EEIG2: variants seen among roughly 807,000 people sequenced by gnomAD.
The protein encoded by EEIG2 is family with sequence similarity 102 member B.
At chr1:108,596,152 G>C in the EEIG2 span, among the ~76,000 whole-genome samples, 1 of 148,914 alleles carries the variant, frequency 6.7e-6, no homozygotes, top group Non-Finnish European at 1.5e-5. Flanking sequence ...TTTCATGTTA[G>C]ACAATAAAGA....
At chr1:108,611,355 T>C in the EEIG2 span, among the ~76,000 whole-genome samples, 3 of 152,336 alleles carry the variant, frequency 2.0e-5, no homozygotes, top group East Asian at 5.8e-4. Flanking sequence ...ATGAGGTTGA[T>C]TTGTTGTACC....
At chr1:108,587,083 A>G in the EEIG2 span, among the ~76,000 whole-genome samples, 2 of 151,990 alleles carry the variant, frequency 1.3e-5, no homozygotes, top group East Asian at 3.9e-4. Flanking sequence ...TTTTTGCCTA[A>G]GAGTTATCTT....
the EEIG2 span, chr1:108,628,836 G>A: frequency 4.4e-6 from 7 of 1,588,634 alleles, no homozygotes; most frequent in Non-Finnish European, 6.0e-6. Context: ...ATAGATTCCT[G>A]CAATCCAGGT....
At chr1:108,574,643 C>T in the EEIG2 span, among the ~76,000 whole-genome samples, 2 of 152,130 alleles carry the variant, frequency 1.3e-5, no homozygotes, top group Admixed American at 6.5e-5. Context: ...CCCAGCTACT[C>T]GGAAGGCTGA....
chr1:108,599,203 G>A, the EEIG2 span, among the ~76,000 whole-genome samples: 7 of 151,840 alleles, frequency 4.6e-5, no homozygotes, highest in Non-Finnish European at 2.9e-5. Flanking sequence ...CTGATAGATC[G>A]TAATAAAAAT....
chr1:108,610,656 C>T, the EEIG2 span, among the ~76,000 whole-genome samples: 2 of 151,954 alleles, frequency 1.3e-5, no homozygotes, highest in Non-Finnish European at 2.9e-5. Context: ...GACAGCTGGG[C>T]GCGGTGGCTC....
At chr1:108,571,544 A>C in the EEIG2 span, among the ~76,000 whole-genome samples, 1 of 152,194 alleles carries the variant, frequency 6.6e-6, no homozygotes, top group Admixed American at 6.5e-5. Flanking sequence ...TTTAGGGAGA[A>C]TAGGTGACCA....
chr1:108,634,865 G>C, the EEIG2 span, among the ~76,000 whole-genome samples: 3 of 152,134 alleles, frequency 2.0e-5, no homozygotes, highest in Non-Finnish European at 4.4e-5. Context: ...CAAGAATTGG[G>C]GAATTCTAAT....
the EEIG2 span, among the ~76,000 whole-genome samples, chr1:108,619,523 C>T: frequency 0.96 from 145,935 of 152,308 alleles, 70,200 homozygotes; most frequent in Non-Finnish European, 1. Flanking sequence ...ACTTTAGAGC[C>T]GAAAAGAATG....
chr1:108,567,015 AAAAT>A, the EEIG2 span, among the ~76,000 whole-genome samples: 14 of 152,330 alleles, frequency 9.2e-5, no homozygotes, highest in African/African-American at 3.4e-4. Context: ...AACAGCAAAA[AAAAT>A]AAATATGTGA....
At chr1:108,570,092 A>G in the EEIG2 span, among the ~76,000 whole-genome samples, 1 of 152,252 alleles carries the variant, frequency 6.6e-6, no homozygotes, top group African/African-American at 2.4e-5. Context: ...TACAATTTGC[A>G]GTAATAAATA....
the EEIG2 span, chr1:108,629,623 A>G: frequency 6.2e-7 from 1 of 1,611,850 alleles, no homozygotes; most frequent in East Asian, 2.2e-5. Context: ...TCCTGGGGGA[A>G]GTACAACCTT....
chr1:108,621,796 A>G, the EEIG2 span, among the ~76,000 whole-genome samples: 2 of 151,798 alleles, frequency 1.3e-5, no homozygotes, highest in Middle Eastern at 3.4e-3. Flanking sequence ...TCTTCTGTGT[A>G]TTAGTTTTTC....
the EEIG2 span, among the ~76,000 whole-genome samples, chr1:108,579,671 T>C: frequency 6.6e-6 from 1 of 151,812 alleles, no homozygotes; most frequent in African/African-American, 2.4e-5. Flanking sequence ...TGCATTTTTT[T>C]TAATTGAAGA....
the EEIG2 span, chr1:108,639,042 C>G: frequency 6.6e-6 from 1 of 152,164 alleles, no homozygotes; most frequent in South Asian, 2.1e-4. Flanking sequence ...ATTTGAGGTT[C>G]CCCTTCCTCT....
the EEIG2 span, among the ~76,000 whole-genome samples, chr1:108,613,655 C>T: frequency 1.3e-5 from 2 of 152,112 alleles, no homozygotes; most frequent in African/African-American, 4.8e-5. Flanking sequence ...AACACTCTCT[C>T]CTTTCCCAAT....
the EEIG2 span, among the ~76,000 whole-genome samples, chr1:108,585,553 C>A: frequency 6.6e-6 from 1 of 152,132 alleles, no homozygotes; most frequent in African/African-American, 2.4e-5. Flanking sequence ...AAGGTCCCAG[C>A]ATGTATGCTC....
the EEIG2 span, among the ~76,000 whole-genome samples, chr1:108,619,987 A>G: frequency 6.6e-6 from 1 of 152,162 alleles, no homozygotes; most frequent in South Asian, 2.1e-4. Flanking sequence ...CATTGAGCAC[A>G]CTCCCATACC....
At chr1:108,635,866 A>G in the EEIG2 span, 3 of 152,260 alleles carry the variant, frequency 2.0e-5, no homozygotes, top group African/African-American at 7.2e-5. Context: ...CAAGCACTAC[A>G]TAAAAGACTC....
Sources: gnomAD v4.1 joint callset for allele counts (sites outside exome capture counted in the v4.1 genomes callset) on GRCh38, gnomAD v4.1.1 for gene constraint, MANE v1.5 for transcripts, NCBI Gene and HGNC (gene_info 2026-07-23, HGNC 2026-07-21) for gene names.